Variants in MAG observed in about 807,000 individuals in gnomAD.
The protein encoded by MAG is myelin associated glycoprotein.
A neutral mutation model predicts 60.7 loss-of-function variants in MAG; 30 were observed. The ratio of observed to expected loss-of-function variants is 0.49; its 90% confidence interval spans 0.37 to 0.67. The LOEUF is 0.67. Among genes scored for constraint, MAG ranks in the 30% least tolerant of loss-of-function variants. MAG has a pLI of 0.00. For synonymous variants in MAG, 384 were observed against 376.8 expected (o/e 1.02, Z -0.22); for missense variants, 795 against 851.7 (o/e 0.93, Z 0.83).
In MAG at chr19:35,297,092, G is replaced by A. The variant is rs142591334; in HGVS notation, c.415+1111G>A. On this transcript the variant is annotated intron_variant, in intron 4 of 10. Transcript: ENST00000392213. ...CTGATTGCCATGTCTGGCCATAGCT[G>A]TATTCTATTTGGCTTAAAGGATTTT... Among the ~76,000 whole-genome samples, 703 of 146,762 alleles carry A rather than the reference G, an allele frequency of 4.8e-3. 5 individuals carry two copies. The highest frequency in any genetic ancestry group is 0.016 in the African/African-American group (634 of 39,280).
In MAG at chr19:35,302,580, C is replaced by T. The variant is rs144554089; in HGVS notation, c.1103C>T (p.Thr368Met). 1.2e-4 allele frequency: 188 copies of T among 1,614,080 alleles called. No individual in the cohort carries two copies. The highest frequency in any genetic ancestry group is 4.0e-4 in the Admixed American group (24 of 60,002). Reference protein sequence around the residue: ...TIFKEKQILSTVIYESELQLE... With the variant: ...TIFKEKQILSMVIYESELQLE... ...TTCAAGGAGAAGCAGATCCTGTCCA[C>T]GGTCATCTACGAGAGCGAGCTGCAG... The change falls in exon 7 of 11, where the codon ACG becomes ATG. Residue 368 changes from threonine to methionine, a missense_variant. Coordinates refer to ENST00000392213, the MANE Select transcript of MAG (RefSeq NM_002361.4).
At chr19:35,294,905 C>T (rs1024690790) in intron 2 of MAG, among the ~76,000 whole-genome samples, 10 of 152,138 alleles carry the variant, frequency 6.6e-5, no homozygotes, top group Admixed American at 6.5e-5. Context: ...GATTGCACCA[C>T]TGCATTCCAG....
rs1568477597 is a variant in MAG, at chr19:35,312,142, C to T, written c.1716+125C>T. ...GCCTCTCACAGGAGGAGAGGAAGGA[C>T]ATTCCAGGGCTGGGTTGGACCTGGA... On this transcript the variant is annotated intron_variant, in intron 10 of 10. Transcript: ENST00000392213. 2.4e-6 allele frequency: 3 copies of T among 1,246,940 alleles called. No homozygotes were observed. The Admixed American group carries it at 5.1e-5, about 21-fold the overall frequency. The allele number at this position is 1,246,940 out of a possible 1,614,324, so 77.2% of individuals were successfully genotyped here. A position where few individuals can be genotyped will look rare whatever the true frequency, so the allele number is the denominator to read the frequency against.
chr19:35,300,063 T>C lies in MAG; in HGVS notation c.713-84T>C. ...AGGCTGAGGGCGGGGCCGGACAGTG[T>C]TGGGGGCGGGGCCGGGCTGGGAGAG... On this transcript the variant is annotated intron_variant, in intron 5 of 10. Coordinates refer to ENST00000392213, the MANE Select transcript of MAG (RefSeq NM_002361.4). 4.2e-6 allele frequency: 6 copies of C among 1,412,842 alleles called. No individual in the cohort carries two copies. The East Asian group carries it at 1.5e-4, about 36-fold the overall frequency. 87.5% of individuals were successfully genotyped at this position (1,412,842 alleles called of 1,614,324 possible).
chr19:35,303,394 G>A (rs1404456164), intron 7 of MAG, among the ~76,000 whole-genome samples: 1 of 152,124 alleles, frequency 6.6e-6, no homozygotes, highest in Non-Finnish European at 1.5e-5. Context: ...ACATCTTCAT[G>A]AGGGAGGTTC....
At chr19:35,299,048 CACACACACACACACATACCT>C (rs1238598093) in intron 4 of MAG, among the ~76,000 whole-genome samples, 4 of 151,148 alleles carry the variant, frequency 2.6e-5, no homozygotes, top group Non-Finnish European at 5.9e-5. Flanking sequence ...CCACACCACA[CACACACACACACACATACCT>C]ACACACACAC....
In MAG at chr19:35,302,467, A is replaced by G. The variant is rs2145615278; in HGVS notation, c.990A>G (p.Thr330=). The G allele has an allele frequency of 1.9e-6, 3 of 1,614,168 alleles. No individual in the cohort carries two copies. The South Asian group carries it at 3.3e-5, about 18-fold the overall frequency. ...LSVMYAPWKP[T]VNGTMVAVEG... is the part of the protein sequence containing the mutation. Reference sequence around the variant, plus strand: ...CCGCAGATGCACCCTGGAAGCCAACAGTGAACGGGACAATGGTGGCCGTAG... The same window carrying G: ...CCGCAGATGCACCCTGGAAGCCAACGGTGAACGGGACAATGGTGGCCGTAG... Residue 330 remains threonine (T), a synonymous_variant, in exon 7 of 11, where the codon ACA becomes ACG. Transcript: ENST00000392213.
intron 1 of MAG, among the ~76,000 whole-genome samples, chr19:35,292,664 T>TGTGC (rs751645316): frequency 0.025 from 3,739 of 150,680 alleles, 149 homozygotes; most frequent in African/African-American, 0.086. Flanking sequence ...TGTGTGTGTG[T>TGTGC]GCGTGTGCGT....
chr19:35,299,059 A>ACACACACATACC (rs2066425943), intron 4 of MAG, among the ~76,000 whole-genome samples: 1 of 151,770 alleles, frequency 6.6e-6, no homozygotes, highest in Non-Finnish European at 1.5e-5. Context: ...ACACACACAC[A>ACACACACATACC]CACATACCTA....
intron 10 of MAG, 147 bp from the exon 11 acceptor site, chr19:35,313,143 C>A: frequency 1.3e-6 from 1 of 751,308 alleles, no homozygotes; most frequent in Non-Finnish European, 2.0e-6. Context: ...GCAGGGCTCG[C>A]TGGGCCTGCG....
intron 7 of MAG, among the ~76,000 whole-genome samples, chr19:35,308,488 T>C (rs536976974): frequency 1.7e-4 from 26 of 152,334 alleles, no homozygotes; most frequent in African/African-American, 6.0e-4. Flanking sequence ...TCCCAGCACT[T>C]TGGGAGGCCA....
Position 35,294,272 on chromosome 19 carries a change from C to T in MAG, c.-42C>T, listed in dbSNP as rs998090201. On this transcript the variant is annotated 5_prime_UTR_variant, in exon 2 of 11. Transcript: ENST00000392213. ...CTTCAGGTGGACCCAGAAGACGTCC[C>T]CAACTCAGGGAGATTCAGGTGAGGG... 6.8e-6 allele frequency: 3 copies of T among 438,828 alleles called. No individual in the cohort carries two copies. The highest frequency in any genetic ancestry group is 4.1e-5 in the African/African-American group (2 of 48,864). 27.2% of individuals were successfully genotyped at this position (438,828 alleles called of 1,614,324 possible). A position where few individuals can be genotyped will look rare whatever the true frequency, so the allele number is the denominator to read the frequency against.
chr19:35,313,196 G>A, intron 10 of MAG, 94 bp from the exon 11 acceptor site: 1 of 1,376,992 alleles, frequency 7.3e-7, no homozygotes, highest in Non-Finnish European at 9.8e-7. Context: ...ATTTGGGACT[G>A]AACTCAGGAG....
intron 7 of MAG, among the ~76,000 whole-genome samples, chr19:35,306,036 TCC>T (rs965028843): frequency 1.3e-4 from 2 of 15,972 alleles, no homozygotes; most frequent in African/African-American, 1.0e-3. Flanking sequence ...GACTGTCCCA[TCC>T]CCCCACTCCA....
intron 10 of MAG, 80 bp downstream of exon 10, chr19:35,312,097 G>T: frequency 7.1e-7 from 1 of 1,411,110 alleles, no homozygotes; most frequent in Non-Finnish European, 1.0e-6. Flanking sequence ...GTGAGGCCAA[G>T]GGGCAGGGGA....
intron 7 of MAG, among the ~76,000 whole-genome samples, chr19:35,303,750 G>A (rs2066465063): frequency 1.3e-5 from 2 of 152,012 alleles, no homozygotes; most frequent in Admixed American, 1.3e-4. Context: ...TGCACCGCTG[G>A]CCAGCGCCTC....
At chr19:35,302,415 G>C in intron 6 of MAG, 33 bp from the exon 7 acceptor site, 1 of 1,608,610 alleles carries the variant, frequency 6.2e-7, no homozygotes, top group Non-Finnish European at 8.5e-7. Context: ...GCACCTCCTG[G>C]GTTCTGACCA....
At chr19:35,299,886 G>T (rs1156613164) in intron 5 of MAG, 36 bp downstream of exon 5, 1 of 1,113,116 alleles carries the variant, frequency 9.0e-7, no homozygotes, top group Non-Finnish European at 1.2e-6. Flanking sequence ...GGTGGGGCGG[G>T]GTGGGGCGGG....
intron 7 of MAG, among the ~76,000 whole-genome samples, chr19:35,304,227 C>A (rs1395687701): frequency 1.3e-5 from 2 of 152,144 alleles, no homozygotes; most frequent in East Asian, 3.8e-4. Flanking sequence ...CTGATGTGAT[C>A]CTGGCGCGGG....
Sources: allele counts gnomAD v4.1 joint callset (sites outside exome capture counted in the v4.1 genomes callset), GRCh38; gene constraint gnomAD v4.1.1; transcripts MANE v1.5; gene names NCBI Gene and HGNC (gene_info 2026-07-23, HGNC 2026-07-21).